The following RREB1 variants were observed in gnomAD, a reference collection of about 807,000 sequenced individuals.
RREB1 encodes ras responsive element binding protein 1.
A neutral mutation model predicts 117.8 loss-of-function variants in RREB1; 27 were observed. That is an observed-to-expected ratio of 0.23 (90% CI 0.17 to 0.32). The LOEUF is 0.32. Ranked by LOEUF, RREB1 falls within the 10% of genes least tolerant of loss-of-function variation. The pLI is 1.00. For synonymous variants in RREB1, 1,298 were observed against 1,026.7 expected (o/e 1.26, Z -5.05); for missense variants, 2,577 against 2,378.2 (o/e 1.08, Z -1.74).
rs1041143297 is a variant in RREB1 at position 7,155,665 on chromosome 6, A to T, written c.-284-20990A>T. Among the ~76,000 whole-genome samples, 9 of 152,360 alleles carry T rather than the reference A, an allele frequency of 5.9e-5. No individual in the cohort carries two copies. In the East Asian group the frequency reaches 1.5e-3, roughly 26 times the overall value. ...TTTTCCCTTCCAAGAAACCTGATAA[A>T]ATAGTTTCCTCCCCTTGCACTTGGG... On this transcript the variant is annotated intron_variant, in intron 1 of 12. Transcript: ENST00000379938.
At chr6:7,179,475 T>G (rs1288535403) in intron 2 of RREB1, among the ~76,000 whole-genome samples, 1 of 152,218 alleles carries the variant, frequency 6.6e-6, no homozygotes, top group East Asian at 1.9e-4. Flanking sequence ...GGTGGAAAGT[T>G]TGTAACAATT....
intron 1 of RREB1, among the ~76,000 whole-genome samples, chr6:7,174,499 TAAAATG>T (rs1764405087): frequency 6.6e-6 from 1 of 152,108 alleles, no homozygotes; most frequent in Non-Finnish European, 1.5e-5. Context: ...GGAAATAAAA[TAAAATG>T]AAATGAAGGG....
At chr6:7,241,332 G>T (rs1026926807) in intron 11 of RREB1, among the ~76,000 whole-genome samples, 1 of 152,060 alleles carries the variant, frequency 6.6e-6, no homozygotes, top group African/African-American at 2.4e-5. Flanking sequence ...GACTGCTGGG[G>T]TTCTCCATCC....
chr6:7,112,956 G>A (rs1290205164), intron 1 of RREB1, among the ~76,000 whole-genome samples: 1 of 152,294 alleles, frequency 6.6e-6, no homozygotes, highest in Non-Finnish European at 1.5e-5. Flanking sequence ...GGGAGCGATC[G>A]GTGCATCTTA....
At chr6:7,112,565 G>GAGGGTTGC (rs1300935401) in intron 1 of RREB1, among the ~76,000 whole-genome samples, 6 of 152,278 alleles carry the variant, frequency 3.9e-5, no homozygotes, top group Admixed American at 6.5e-5. Context: ...ACAGGGGGGT[G>GAGGGTTGC]AGGGTTGCAG....
intron 8 of RREB1, among the ~76,000 whole-genome samples, chr6:7,222,282 T>C (rs941317235): frequency 6.6e-6 from 1 of 152,220 alleles, no homozygotes; most frequent in Non-Finnish European, 1.5e-5. Context: ...TTTCAGTTGG[T>C]CTGGGGTGAT....
chr6:7,147,447 C>T (rs1045074006), intron 1 of RREB1, among the ~76,000 whole-genome samples: 3 of 152,120 alleles, frequency 2.0e-5, no homozygotes, highest in East Asian at 1.9e-4. Context: ...TCTCAGGCCA[C>T]GTGTGTAGAT....
intron 1 of RREB1, among the ~76,000 whole-genome samples, chr6:7,175,744 C>A (rs1764467826): frequency 6.6e-6 from 1 of 152,184 alleles, no homozygotes; most frequent in Admixed American, 6.5e-5. Context: ...AGCAGACTTG[C>A]TCAAACTTTT....
At chr6:7,149,990 G>C (rs950167562) in intron 1 of RREB1, among the ~76,000 whole-genome samples, 2 of 146,018 alleles carry the variant, frequency 1.4e-5, no homozygotes, top group Non-Finnish European at 3.0e-5. Flanking sequence ...CGCCTGGCCT[G>C]GTTGGTTTTT....
intron 1 of RREB1, among the ~76,000 whole-genome samples, chr6:7,166,046 G>A (rs1479194308): frequency 6.6e-6 from 1 of 152,178 alleles, no homozygotes; most frequent in Non-Finnish European, 1.5e-5. Flanking sequence ...GGCCGTGGAG[G>A]GGCGGTGGCC....
intron 1 of RREB1, among the ~76,000 whole-genome samples, chr6:7,114,472 G>T (rs1017191247): frequency 5.3e-5 from 8 of 151,622 alleles, no homozygotes; most frequent in African/African-American, 1.2e-4. Flanking sequence ...TTCTGGTGGG[G>T]GGGGGGGCGG....
intron 9 of RREB1, among the ~76,000 whole-genome samples, chr6:7,228,393 T>C (rs1378952931): frequency 6.6e-6 from 1 of 151,992 alleles, no homozygotes; most frequent in Non-Finnish European, 1.5e-5. Flanking sequence ...TCTAGTGAGA[T>C]ACCCTGTGGG....
rs774214587 is a variant in RREB1 at position 7,230,143 on chromosome 6, G to A, written c.2044G>A (p.Asp682Asn). ...QCNICDYIAA[D>N]KAALIRHLRT... ...CAACATCTGCGACTACATCGCCGCCGACAAGGCCGCGCTCATCCGCCACCT... is the reference window on the plus strand; with the variant it reads ...CAACATCTGCGACTACATCGCCGCCAACAAGGCCGCGCTCATCCGCCACCT... The change falls in exon 10 of 13, where the codon GAC (aspartate) becomes AAC (asparagine). Residue 682 changes from aspartate (D) to asparagine (N), a missense_variant. Coordinates refer to ENST00000379938, the MANE Select transcript of RREB1 (RefSeq NM_001003699.4). 3.1e-6 allele frequency: 5 copies of A among 1,605,176 alleles called. No homozygotes were observed. Among genetic ancestry groups the A allele is most frequent in the Admixed American group, 1.7e-5 (1 of 59,884 alleles).
chr6:7,114,161 G>A (rs114502531), intron 1 of RREB1, among the ~76,000 whole-genome samples: 296 of 152,214 alleles, frequency 1.9e-3, no homozygotes, highest in African/African-American at 6.6e-3. Context: ...TCTTGCTGTC[G>A]CCCAGGATGG....
chr6:7,234,212 C>T (rs2113136146), intron 10 of RREB1, among the ~76,000 whole-genome samples: 2 of 152,220 alleles, frequency 1.3e-5, no homozygotes, highest in South Asian at 4.1e-4. Context: ...AGAAGGTGCC[C>T]CTTATAGCAA....
At chr6:7,188,290 G>A (rs369703404) in intron 5 of RREB1, among the ~76,000 whole-genome samples, 3 of 150,690 alleles carry the variant, frequency 2.0e-5, no homozygotes, top group Admixed American at 6.6e-5. Flanking sequence ...TCGTTCTGTC[G>A]CCCAGGCTGG....
chr6:7,111,915 T>C (rs1761166081), intron 1 of RREB1, among the ~76,000 whole-genome samples: 1 of 152,234 alleles, frequency 6.6e-6, no homozygotes, highest in African/African-American at 2.4e-5. Context: ...TTATGTCTTT[T>C]ATTCCGCATG....
chr6:7,230,482 T>C lies in RREB1; in HGVS notation c.2383T>C (p.Cys795Arg). The C allele has an allele frequency of 6.3e-7, 1 of 1,594,708 alleles. No homozygotes were observed. Among genetic ancestry groups the C allele is most frequent in the Non-Finnish European group, 8.5e-7 (1 of 1,177,598 alleles). Residue 795 changes from cysteine (C) to arginine (R), a missense_variant, in exon 10 of 13, where the codon TGC becomes CGC. Coordinates refer to ENST00000379938, the MANE Select transcript of RREB1 (RefSeq NM_001003699.4). ...CCGCAAGCCCTTCGAGTGCAAGGAGTGCAGCGCCGCGTTCGCGGCCAAGCG... is the reference window on the plus strand; with the variant it reads ...CCGCAAGCCCTTCGAGTGCAAGGAGCGCAGCGCCGCGTTCGCGGCCAAGCG... ...KGRKPFECKE[C>R]SAAFAAKRNC...
chr6:7,136,041 A>G (rs1480440343), intron 1 of RREB1, among the ~76,000 whole-genome samples: 3 of 152,158 alleles, frequency 2.0e-5, no homozygotes, highest in Non-Finnish European at 4.4e-5. Context: ...ACCTCCTCCA[A>G]CTGTTGGTCT....
Sources: gnomAD v4.1 joint callset for allele counts (sites outside exome capture counted in the v4.1 genomes callset) on GRCh38, gnomAD v4.1.1 for gene constraint, MANE v1.5 for transcripts, NCBI Gene and HGNC (gene_info 2026-07-23, HGNC 2026-07-21) for gene names.